The following DNAH3 variants were observed in gnomAD, a reference collection of about 807,000 sequenced individuals.
DNAH3 encodes the protein dynein axonemal heavy chain 3, also known as axonemal beta dynein heavy chain 3.
In DNAH3, 332 loss-of-function variants were observed where a neutral mutation model predicts 432.5. The ratio of observed to expected loss-of-function variants is 0.77; its 90% CI spans 0.70 to 0.84. The LOEUF is 0.84. Among genes scored for constraint, DNAH3 ranks in the 40% least tolerant of loss-of-function variants. The probability of loss-of-function intolerance (pLI) is 0.00; values close to 1 mark genes in which losing one functional copy is unlikely to be tolerated. For synonymous variants in DNAH3, 1,956 were observed against 1,900.2 expected (o/e 1.03, Z -0.76); for missense variants, 4,861 against 5,114.0 (o/e 0.95, Z 1.51).
At chr16:21,026,186 A>C (rs1450434880) in intron 38 of DNAH3, among the ~76,000 whole-genome samples, 1 of 152,182 alleles carries the variant, frequency 6.6e-6, no homozygotes, top group East Asian at 1.9e-4. Context: ...GCTCTTGGGC[A>C]TACGGAGATT....
chr16:20,941,571 G>A (rs747200492), intron 58 of DNAH3, 28 bp from the exon 59 acceptor site: 1 of 1,612,666 alleles, frequency 6.2e-7, no homozygotes, highest in Non-Finnish European at 8.5e-7. Context: ...AGAGAGGTGA[G>A]TGAGAAGCAA....
At chr16:20,962,199 T>A (rs1020617673) in intron 53 of DNAH3, among the ~76,000 whole-genome samples, 1 of 151,858 alleles carries the variant, frequency 6.6e-6, no homozygotes, top group African/African-American at 2.4e-5. Flanking sequence ...TTAAAAAAAA[T>A]AATCATTGTG....
intron 44 of DNAH3, 24 bp downstream of exon 44, chr16:20,997,259 G>GA: frequency 6.2e-7 from 1 of 1,609,146 alleles, no homozygotes; most frequent in Non-Finnish European, 8.5e-7. Context: ...AGGGAAAGAG[G>GA]AATGAGCTCT....
At chr16:21,050,724 G>T (rs190073123) in intron 29 of DNAH3, among the ~76,000 whole-genome samples, 2 of 152,196 alleles carry the variant, frequency 1.3e-5, no homozygotes, top group Non-Finnish European at 2.9e-5. Flanking sequence ...GACTACAGGC[G>T]TGAGCCACCA....
chr16:21,138,676 G>A (rs1007846770), intron 5 of DNAH3, among the ~76,000 whole-genome samples: 23 of 152,194 alleles, frequency 1.5e-4, no homozygotes, highest in Admixed American at 2.6e-4. Context: ...TGGGCATGGT[G>A]GCAGTTGCCT....
chr16:21,079,429 GC>G (rs1187058895), intron 20 of DNAH3, among the ~76,000 whole-genome samples: 1 of 152,098 alleles, frequency 6.6e-6, no homozygotes, highest in Non-Finnish European at 1.5e-5. Flanking sequence ...TTCGAGACCA[GC>G]CTGACCAACA....
At chr16:21,070,583 T>C in intron 22 of DNAH3, 127 bp downstream of exon 22, 2 of 657,988 alleles carry the variant, frequency 3.0e-6, no homozygotes. Flanking sequence ...GTATCATTTA[T>C]TTATTTATTT....
chr16:21,078,104 C>T (rs374654514), intron 20 of DNAH3, among the ~76,000 whole-genome samples: 30 of 151,858 alleles, frequency 2.0e-4, no homozygotes, highest in African/African-American at 6.3e-4. Flanking sequence ...GGTGAAACCC[C>T]GTCTCTACTA....
rs201250928 is a variant in DNAH3 at position 20,964,828 on chromosome 16, T to C, written c.9056A>G (p.Gln3019Arg). The C allele has an allele frequency of 8.5e-5, 138 of 1,614,170 alleles. No homozygotes were observed. The East Asian group carries it at 2.4e-3, about 28-fold the overall frequency. ...TTCAGCCAACCACTGATTTTGGCAC[T>C]GGACCCGATAATCCACTGTAAAAGC... The change falls in exon 53 of 62, where the codon CAG becomes CGG. Residue 3019 changes from glutamine (Q) to arginine (R), a missense_variant. Gln to Arg is a conservative substitution (Grantham distance 43). Coordinates refer to ENST00000261383, the Ensembl canonical transcript of DNAH3.
chr16:21,054,385 T>A (rs749026753), intron 28 of DNAH3, 35 bp downstream of exon 28: 5 of 1,466,306 alleles, frequency 3.4e-6, no homozygotes, highest in Non-Finnish European at 4.8e-6. Context: ...TTCTCCTGGA[T>A]AGTCAGTAAT....
At chr16:21,012,977 A>T (rs572148709) in intron 41 of DNAH3, among the ~76,000 whole-genome samples, 1 of 151,928 alleles carries the variant, frequency 6.6e-6, no homozygotes, top group Admixed American at 6.6e-5. Context: ...TGTTGCCCAG[A>T]CTGGTCTCAA....
chr16:21,103,234 G>C (rs1018964186), intron 16 of DNAH3, among the ~76,000 whole-genome samples: 4 of 151,576 alleles, frequency 2.6e-5, no homozygotes, highest in African/African-American at 9.7e-5. Flanking sequence ...TCAGGTGATG[G>C]GTGCACCAAA....
At chr16:21,034,377 T>C (rs1232417733) in intron 35 of DNAH3, among the ~76,000 whole-genome samples, 2 of 152,224 alleles carry the variant, frequency 1.3e-5, no homozygotes, top group Non-Finnish European at 2.9e-5. Flanking sequence ...TCCAATATCA[T>C]TGACCACCTT....
At chr16:21,154,432 A>T (rs1483184829) in intron 1 of DNAH3, among the ~76,000 whole-genome samples, 2 of 151,958 alleles carry the variant, frequency 1.3e-5, no homozygotes, top group East Asian at 1.9e-4. Flanking sequence ...AATGGTCCTG[A>T]TGTGGAGCTA....
At chr16:21,136,568 A>G in intron 5 of DNAH3, 55 bp from the exon 7 acceptor site, 2 of 1,539,258 alleles carry the variant, frequency 1.3e-6, no homozygotes, top group Non-Finnish European at 1.8e-6. Flanking sequence ...CATGGGTTCA[A>G]CTGTCCTGCC....
At chr16:21,033,586 G>GA (rs1028861714) in intron 36 of DNAH3, among the ~76,000 whole-genome samples, 51 of 152,040 alleles carry the variant, frequency 3.4e-4, no homozygotes, top group African/African-American at 9.9e-4. Flanking sequence ...AGGAGGGAGG[G>GA]AAAAAACTAA....
chr16:21,020,328 T>C (rs2088101816), intron 40 of DNAH3, among the ~76,000 whole-genome samples: 1 of 115,196 alleles, frequency 8.7e-6, no homozygotes, highest in Non-Finnish European at 1.8e-5. Flanking sequence ...TTTTTACTGC[T>C]GTATAATAAT....
intron 26 of DNAH3, among the ~76,000 whole-genome samples, chr16:21,059,008 A>G (rs2090242222): frequency 6.6e-6 from 1 of 152,230 alleles, no homozygotes; most frequent in Admixed American, 6.5e-5. Flanking sequence ...GTAAAATAAA[A>G]TAAAATTTAA....
exon 36 of DNAH3, chr16:21,034,063 C>T (rs754386687): frequency 3.7e-6 from 6 of 1,613,136 alleles, no homozygotes; most frequent in Non-Finnish European, 5.1e-6. Context: ...ATAGCCATGT[C>T]TCACCAGCAT....
Sources: allele counts gnomAD v4.1 joint callset (sites outside exome capture counted in the v4.1 genomes callset), GRCh38; gene constraint gnomAD v4.1.1; transcripts MANE v1.5; gene names NCBI Gene and HGNC (gene_info 2026-07-23, HGNC 2026-07-21).